Variants in EBF1 observed in about 807,000 individuals in gnomAD.
EBF1 encodes EBF transcription factor 1.
In EBF1, 10 loss-of-function variants were observed where a neutral mutation model predicts 68.4. The ratio of observed to expected loss-of-function variants is 0.15; its 90% confidence interval spans 0.09 to 0.25. The LOEUF is 0.25. EBF1 is among the 10% of genes least tolerant of loss of function. The pLI is 1.00. For missense variants in EBF1, 509 were observed against 794.4 expected (o/e 0.64, Z 4.32); for synonymous variants, 298 against 299.8 (o/e 0.99, Z 0.06).
At chr5:159,048,657 C>G (rs1406156161) in intron 6 of EBF1, among the ~76,000 whole-genome samples, 1 of 152,202 alleles carries the variant, frequency 6.6e-6, no homozygotes, top group Non-Finnish European at 1.5e-5. Context: ...TCCCTCTTCT[C>G]TCTCCCTCAT....
At chr5:159,005,167 G>C (rs915702022) in intron 6 of EBF1, among the ~76,000 whole-genome samples, 2 of 152,182 alleles carry the variant, frequency 1.3e-5, no homozygotes, top group Non-Finnish European at 2.9e-5. Flanking sequence ...CACAAGAGCA[G>C]TAAATTTCTT....
At chr5:158,911,153 A>G (rs1805875650) in intron 6 of EBF1, among the ~76,000 whole-genome samples, 2 of 152,236 alleles carry the variant, frequency 1.3e-5, no homozygotes, top group African/African-American at 4.8e-5. Flanking sequence ...CGAGTCGCCT[A>G]TCTGAACAGG....
chr5:158,970,085 T>C (rs187221246), intron 6 of EBF1, among the ~76,000 whole-genome samples: 36 of 152,268 alleles, frequency 2.4e-4, no homozygotes, highest in Non-Finnish European at 4.4e-4. Context: ...CACCTAACAC[T>C]GAGACTTTTT....
At chr5:158,830,527 C>G (rs1482285854) in intron 7 of EBF1, among the ~76,000 whole-genome samples, 1 of 152,168 alleles carries the variant, frequency 6.6e-6, no homozygotes, top group Non-Finnish European at 1.5e-5. Flanking sequence ...TCTCGGCCTC[C>G]CAAAAGTGCT....
At chr5:158,965,426 T>C (rs551277873) in intron 6 of EBF1, among the ~76,000 whole-genome samples, 48 of 152,350 alleles carry the variant, frequency 3.2e-4, no homozygotes, top group African/African-American at 1.0e-3. Context: ...TGTACTTTCA[T>C]TCCTAGGAAG....
chr5:158,809,275 T>A (rs573430577), intron 8 of EBF1, among the ~76,000 whole-genome samples: 1 of 152,314 alleles, frequency 6.6e-6, no homozygotes, highest in East Asian at 1.9e-4. Flanking sequence ...CTCATTCCAC[T>A]TTACAAATGA....
In EBF1 at chr5:158,708,157, G is replaced by A; in HGVS notation, c.1566C>T (p.Pro522=). 6.3e-7 allele frequency: 1 copy of A among 1,581,608 alleles called. No homozygotes were observed. Among genetic ancestry groups the A allele is most frequent in the Non-Finnish European group, 8.6e-7 (1 of 1,163,260 alleles). The change falls in exon 15 of 16, where the codon CCC becomes CCT. Residue 522 remains proline (P), a synonymous_variant. Coordinates refer to ENST00000313708, the MANE Select transcript of EBF1 (RefSeq NM_024007.5). ...GGAGGCTTGTGGAGGAGGCCATGGT[G>A]GGGCTGGATGGCACTACTGAGAGGG... The part of the protein sequence containing the change: ...NSPYAIVPSS[P]TMASSTSLPS...
At chr5:158,892,797 A>T (rs936481048) in intron 6 of EBF1, among the ~76,000 whole-genome samples, 1 of 152,202 alleles carries the variant, frequency 6.6e-6, no homozygotes, top group African/African-American at 2.4e-5. Context: ...TTTACAAAAA[A>T]AGAAAGAAGT....
At chr5:158,768,704 T>A (rs925119027) in intron 10 of EBF1, among the ~76,000 whole-genome samples, 2 of 152,030 alleles carry the variant, frequency 1.3e-5, no homozygotes, top group African/African-American at 4.8e-5. Context: ...CACAGATAAG[T>A]AAAACGAATA....
intron 6 of EBF1, among the ~76,000 whole-genome samples, chr5:158,893,060 CA>C (rs145322730): frequency 0.056 from 8,537 of 152,208 alleles, 292 homozygotes; most frequent in Non-Finnish European, 0.071. Context: ...TTCCATTACT[CA>C]CTCTCTGATT....
At chr5:158,838,124 AG>A (rs1270375974) in intron 7 of EBF1, among the ~76,000 whole-genome samples, 1 of 152,110 alleles carries the variant, frequency 6.6e-6, no homozygotes, top group African/African-American at 2.4e-5. Flanking sequence ...AGATGACCGG[AG>A]GAAACATTTT....
intron 2 of EBF1, 60 bp from the exon 3 acceptor site, chr5:159,096,466 G>A: frequency 6.3e-7 from 1 of 1,576,646 alleles, no homozygotes; most frequent in Admixed American, 1.8e-5. Context: ...GCGTGAGCGA[G>A]TGGACCAACT....
At chr5:158,823,470 A>T (rs1022214845) in intron 7 of EBF1, among the ~76,000 whole-genome samples, 153 bp from the exon 8 acceptor site, 3 of 152,242 alleles carry the variant, frequency 2.0e-5, no homozygotes, top group Non-Finnish European at 4.4e-5. Context: ...GTCTAACAAG[A>T]GGAGCTATTG....
At chr5:158,870,825 G>C in intron 6 of EBF1, among the ~76,000 whole-genome samples, 1 of 152,166 alleles carries the variant, frequency 6.6e-6, no homozygotes, top group African/African-American at 2.4e-5. Flanking sequence ...AGAGTGGACA[G>C]GGCATCAGAG....
At chr5:158,913,592 T>C (rs1562285165) in intron 6 of EBF1, among the ~76,000 whole-genome samples, 1 of 152,064 alleles carries the variant, frequency 6.6e-6, no homozygotes, top group East Asian at 1.9e-4. Context: ...AACTGAAGCA[T>C]TAACTGGACT....
Position 158,785,369 on chromosome 5 carries a change from C to A in EBF1, c.910-7830G>T, listed in dbSNP as rs377574482. Reference sequence around the variant, plus strand: ...AAATATGAAAAGTATATATTCTTGGCGACTGTGCTGGCTGAACCTCCATAT... The same window carrying A: ...AAATATGAAAAGTATATATTCTTGGAGACTGTGCTGGCTGAACCTCCATAT... On this transcript the variant is annotated intron_variant, in intron 9 of 15. Transcript: ENST00000313708. Among the ~76,000 whole-genome samples the A allele has an allele frequency of 6.6e-5, 10 of 152,200 alleles. 1 individual carries two copies. Among genetic ancestry groups the A allele is most frequent in the African/African-American group, 2.4e-4 (10 of 41,526 alleles).
intron 5 of EBF1, among the ~76,000 whole-genome samples, chr5:159,077,292 A>T (rs1778945773): frequency 6.6e-6 from 1 of 152,180 alleles, no homozygotes; most frequent in Non-Finnish European, 1.5e-5. Flanking sequence ...TAAAAAAATT[A>T]TCTGGGTGTG....
intron 10 of EBF1, among the ~76,000 whole-genome samples, chr5:158,739,360 A>T (rs1413316716): frequency 2.6e-5 from 4 of 152,232 alleles, no homozygotes; most frequent in Non-Finnish European, 5.9e-5. Context: ...TGATGAGAAA[A>T]GCTGCCCCTG....
At chr5:158,889,965 C>A (rs76930152) in intron 6 of EBF1, among the ~76,000 whole-genome samples, 16 of 152,038 alleles carry the variant, frequency 1.1e-4, no homozygotes, top group Middle Eastern at 3.2e-3. Flanking sequence ...TTAAAGTATA[C>A]GGGAGAATAT....
Sources: allele counts gnomAD v4.1 joint callset (sites outside exome capture counted in the v4.1 genomes callset), GRCh38; gene constraint gnomAD v4.1.1; transcripts MANE v1.5; gene names NCBI Gene and HGNC (gene_info 2026-07-23, HGNC 2026-07-21).